The following AKT3 variants were observed in gnomAD, a reference collection of about 807,000 sequenced individuals.
AKT3 encodes the protein AKT serine/threonine kinase 3, also known as RAC-gamma serine/threonine-protein kinase.
Under a neutral mutation model 65.3 loss-of-function variants are expected in AKT3, and 15 were observed. The ratio of observed to expected loss-of-function variants is 0.23; its 90% CI spans 0.15 to 0.35. The LOEUF (loss-of-function observed/expected upper bound fraction) is 0.35, where lower values mean the gene tolerates loss of function less well. Among genes scored for constraint, AKT3 ranks in the 10% least tolerant of loss-of-function variants. AKT3 has a pLI of 1.00. For synonymous variants in AKT3, 206 were observed against 183.8 expected (o/e 1.12, Z -0.98); for missense variants, 243 against 576.5 (o/e 0.42, Z 5.92).
intron 6 of AKT3, among the ~76,000 whole-genome samples, chr1:243,630,580 G>T (rs1262132303): frequency 6.6e-6 from 1 of 152,084 alleles, no homozygotes; most frequent in East Asian, 1.9e-4. Flanking sequence ...CTGTCCTCTA[G>T]GCCCATGGTG....
At chr1:243,498,675 T>C (rs1391993245), downstream of AKT3, among the ~76,000 whole-genome samples, 1 of 152,272 alleles carries the variant, frequency 6.6e-6, no homozygotes, top group Non-Finnish European at 1.5e-5. Flanking sequence ...CATATATTTC[T>C]CTTGAATGCG....
intron 13 of AKT3, among the ~76,000 whole-genome samples, chr1:243,491,846 G>A (rs182994105): frequency 6.6e-6 from 1 of 152,208 alleles, no homozygotes; most frequent in Non-Finnish European, 1.5e-5. Context: ...TCATGTCCGG[G>A]TTAGAGATGG....
At chr1:243,789,113 C>T (rs1691454846) in intron 2 of AKT3, among the ~76,000 whole-genome samples, 1 of 152,216 alleles carries the variant, frequency 6.6e-6, no homozygotes, top group Non-Finnish European at 1.5e-5. Context: ...GGTGGTAGCT[C>T]ACACCTGTAT....
chr1:243,702,375 T>C (rs573241042), intron 2 of AKT3, among the ~76,000 whole-genome samples: 2 of 152,158 alleles, frequency 1.3e-5, no homozygotes, highest in South Asian at 4.1e-4. Flanking sequence ...TGGGTTTGAA[T>C]CCTAATCACA....
chr1:243,607,751 A>G (rs1172795759), intron 8 of AKT3, among the ~76,000 whole-genome samples: 2 of 152,068 alleles, frequency 1.3e-5, no homozygotes, highest in Admixed American at 1.3e-4. Context: ...TTGTGTCCCC[A>G]CCCAAATCTC....
intron 2 of AKT3, among the ~76,000 whole-genome samples, chr1:243,764,269 T>C (rs550197588): frequency 2.4e-4 from 36 of 152,252 alleles, no homozygotes; most frequent in Admixed American, 1.2e-3. Flanking sequence ...TTGTCATTAT[T>C]AATATTCAGA....
intron 3 of AKT3, among the ~76,000 whole-genome samples, chr1:243,670,632 T>C (rs1270124329): frequency 6.6e-6 from 1 of 152,234 alleles, no homozygotes; most frequent in East Asian, 1.9e-4. Context: ...CTACGATTTT[T>C]AGAATCATTT....
intron 4 of AKT3, among the ~76,000 whole-genome samples, chr1:243,649,628 T>G (rs939922387): frequency 1.3e-5 from 2 of 152,066 alleles, no homozygotes; most frequent in Admixed American, 1.3e-4. Context: ...GTGTTCTCAT[T>G]GTTCAACTCC....
At chr1:243,535,208 T>TTTTAAAATATATTTTAAAATA (rs1408970133) in intron 12 of AKT3, among the ~76,000 whole-genome samples, 563 of 47,042 alleles carry the variant, frequency 0.012, 10 homozygotes, top group African/African-American at 0.021. Context: ...ATTTTAAAAT[T>TTTTAAAATATATTTTAAAATA]ATTTTAAAAT....
chr1:243,735,547 T>C (rs932173626), intron 2 of AKT3: 7 of 152,232 alleles, frequency 4.6e-5, no homozygotes, highest in Non-Finnish European at 2.9e-5. Context: ...GAAAAATATT[T>C]CGTTGCGTTT....
At chr1:243,743,919 G>C (rs1338212898) in intron 2 of AKT3, among the ~76,000 whole-genome samples, 2 of 152,148 alleles carry the variant, frequency 1.3e-5, no homozygotes, top group East Asian at 1.9e-4. Context: ...GGAATATAAA[G>C]AATAAACACT....
rs934796770 is a variant in AKT3, at chr1:243,673,912, C to A, written c.173-9029G>T. ...ACAGGCGTGAGCCACTGTGCCCGGT[C>A]TATTTTTAAGAAAAGCTATTTATAT... On this transcript the variant is annotated intron_variant, in intron 3 of 13. Transcript: ENST00000673466. 3.9e-5 allele frequency among the ~76,000 whole-genome samples: 6 copies of A among 152,246 alleles called. No individual in the cohort carries two copies. The South Asian group carries it at 8.3e-4, about 21-fold the overall frequency.
At chr1:243,531,551 C>T (rs183108817) in intron 12 of AKT3, among the ~76,000 whole-genome samples, 49 of 152,150 alleles carry the variant, frequency 3.2e-4, no homozygotes, top group African/African-American at 9.2e-4. Flanking sequence ...TTTTGTAGTA[C>T]GGTATTCTGT....
intron 2 of AKT3, among the ~76,000 whole-genome samples, chr1:243,798,098 G>T (rs1692138677): frequency 6.6e-6 from 1 of 151,024 alleles, no homozygotes; most frequent in Non-Finnish European, 1.5e-5. Context: ...TAGCCAGGAT[G>T]GTCTCGATCT....
chr1:243,583,557 GAAAAAA>G (rs977215298), intron 8 of AKT3, among the ~76,000 whole-genome samples: 4 of 38,792 alleles, frequency 1.0e-4, no homozygotes, highest in Non-Finnish European at 3.0e-4. Flanking sequence ...AAAAAAAAAA[GAAAAAA>G]AAAAGAAAAA....
At position 243,710,169 on chromosome 1, in the gene AKT3, A is replaced by G. The variant is rs146795449; in HGVS notation, c.47-14453T>C. Among the ~76,000 whole-genome samples, 723 of 152,228 alleles carry G rather than the reference A, an allele frequency of 4.7e-3. 8 individuals carry two copies. Among genetic ancestry groups the G allele is most frequent in the African/African-American group, 0.017 (688 of 41,562 alleles). On this transcript the variant is annotated intron_variant, in intron 2 of 13. Coordinates refer to ENST00000673466, the MANE Select transcript of AKT3 (RefSeq NM_005465.7). ...ATACATTAAAGCTAGAAGTTTCTGA[A>G]GTTTTCTGAATTATCCTGAAAATAT...
intron 6 of AKT3, among the ~76,000 whole-genome samples, chr1:243,624,463 T>C (rs1219445376): frequency 6.6e-6 from 1 of 152,182 alleles, no homozygotes; most frequent in Non-Finnish European, 1.5e-5. Context: ...AGACAAAAAT[T>C]TAATTATAAA....
At chr1:243,730,965 T>C (rs922038194) in intron 2 of AKT3, among the ~76,000 whole-genome samples, 1 of 152,198 alleles carries the variant, frequency 6.6e-6, no homozygotes, top group African/African-American at 2.4e-5. Context: ...TTCAGTGCTC[T>C]GAGCCTGGTT....
At chr1:243,557,024 T>C (rs556385556) in intron 10 of AKT3, among the ~76,000 whole-genome samples, 1 of 152,262 alleles carries the variant, frequency 6.6e-6, no homozygotes, top group African/African-American at 2.4e-5. Context: ...GTACGCTTTA[T>C]GGCCACCTCT....
Sources: allele counts gnomAD v4.1 joint callset (sites outside exome capture counted in the v4.1 genomes callset), GRCh38; gene constraint gnomAD v4.1.1; transcripts MANE v1.5; gene names NCBI Gene and HGNC (gene_info 2026-07-23, HGNC 2026-07-21).